The following JMJD4 variants were observed in gnomAD, a reference collection of about 807,000 sequenced individuals.
JMJD4 encodes 2-oxoglutarate and iron-dependent oxygenase JMJD4.
Under a neutral mutation model 36.3 loss-of-function variants are expected in JMJD4, and 34 were observed. That is an observed-to-expected ratio of 0.94 (90% CI 0.71 to 1.25). The LOEUF (loss-of-function observed/expected upper bound fraction) is 1.25. Ranked by LOEUF, JMJD4 falls within the 50% of genes most tolerant of loss-of-function variation. The pLI, the probability that JMJD4 is intolerant of heterozygous loss-of-function variation, is 0.00. For missense variants in JMJD4, 584 were observed against 559.1 expected, an observed-to-expected ratio of 1.04 and a Z score of -0.45; for synonymous variants, 269 against 235.3, an observed-to-expected ratio of 1.14 and a Z score of -1.31.
Position 227,735,108 on chromosome 1 carries a change from C to G in JMJD4, c.166G>C (p.Val56Leu), listed in dbSNP as rs992174394. The change falls in exon 1 of 6, where the codon GTG (valine) becomes CTG (leucine). Residue 56 changes from valine (V) to leucine (L), a missense_variant. Coordinates refer to ENST00000620518, the MANE Select transcript of JMJD4 (RefSeq NM_023007.3). Reference sequence around the variant, plus strand: ...CCCTGCGTGAAGGCGCTGGAAAACACGCAGGGCAGGTTGGGCAGCAAGAAG... The same window carrying G: ...CCCTGCGTGAAGGCGCTGGAAAACAGGCAGGGCAGGTTGGGCAGCAAGAAG... ...RGFLLPNLPC[V>L]FSSAFTQGWG... is the part of the protein sequence containing the mutation. 7.0e-6 allele frequency: 11 copies of G among 1,576,100 alleles called. No individual in the cohort carries two copies. Among genetic ancestry groups the G allele is most frequent in the Non-Finnish European group, 8.6e-6 (10 of 1,162,030 alleles).
intron 3 of JMJD4, 88 bp from the exon 4 acceptor site, chr1:227,733,769 G>C: frequency 6.3e-7 from 1 of 1,588,030 alleles, no homozygotes; most frequent in Non-Finnish European, 8.5e-7. Context: ...AACTGAAGGA[G>C]GGGTGGCCCC....
chr1:227,733,292 G>T, intron 4 of JMJD4, 122 bp downstream of exon 4: 1 of 1,077,300 alleles, frequency 9.3e-7, no homozygotes, highest in South Asian at 1.6e-5. Flanking sequence ...CTTGTGAAGG[G>T]GTCAGCCTCA....
At position 227,732,952 on chromosome 1, in the gene JMJD4, C is replaced by T. The variant is rs1322071954; in HGVS notation, c.898G>A (p.Glu300Lys). 5 of 1,613,288 alleles carry T rather than the reference C, an allele frequency of 3.1e-6. No individual in the cohort carries two copies. Among genetic ancestry groups the T allele is most frequent in the Non-Finnish European group, 4.2e-6 (5 of 1,180,034 alleles). Residue 300 changes from glutamate (E) to lysine (K), a missense_variant, in exon 5 of 6, where the codon GAG (glutamate) becomes AAG (lysine). Coordinates refer to ENST00000620518, the MANE Select transcript of JMJD4 (RefSeq NM_023007.3). ...ACCTCCTCCTGCACGGCGCATAGCT[C>T]CTGCTGCAAGAAGCGCCACATGTTG... ...LANMWRFLQQ[E>K]LCAVQEEVSE...
intron 2 of JMJD4, 167 bp from the exon 3 acceptor site, chr1:227,734,199 AG>A: frequency 1.4e-6 from 1 of 730,316 alleles, no homozygotes; most frequent in South Asian, 1.9e-5. Context: ...CTGGCGGGGG[AG>A]GGGGCGGGGC....
chr1:227,734,185 GC>G (rs1035488180), intron 2 of JMJD4, 153 bp from the exon 3 acceptor site: 1 of 836,622 alleles, frequency 1.2e-6, no homozygotes, highest in Admixed American at 2.9e-5. Context: ...TGAGCCAGAC[GC>G]TGCTGGCGGG....
In JMJD4 at chr1:227,733,459, C is replaced by G; in HGVS notation, c.777G>C (p.Glu259Asp). Residue 259 changes from glutamate to aspartate, a missense_variant, in exon 4 of 6, where the codon GAG becomes GAC. Transcript: ENST00000620518. ...PPLEITQEAG[E>D]MVFVPSGWHH... is the part of the protein sequence containing the mutation. ...GCCAGCCACTGGGCACAAACACCAT[C>G]TCGCCCGCTTCCTGCGTGATCTCCA... is the stretch of plus-strand genomic sequence containing the variant. 7 of 1,589,738 alleles carry G rather than the reference C, an allele frequency of 4.4e-6. No homozygotes were observed. Among genetic ancestry groups the G allele is most frequent in the Non-Finnish European group, 6.0e-6 (7 of 1,168,190 alleles).
chr1:227,732,180 C>T lies in JMJD4; in HGVS notation c.*212G>A. The T allele has an allele frequency of 3.3e-6, 2 of 610,248 alleles. No individual in the cohort carries two copies. Among genetic ancestry groups the T allele is most frequent in the South Asian group, 4.1e-5 (2 of 49,194 alleles). 37.8% of individuals were successfully genotyped at this position (610,248 alleles called of 1,614,324 possible). Reference sequence around the variant, plus strand: ...CTCCGAGCTCCCAGCAGGCCTGCTGCAGGTCAGAAGGGCCACATCCCATCT... The same window carrying T: ...CTCCGAGCTCCCAGCAGGCCTGCTGTAGGTCAGAAGGGCCACATCCCATCT... On this transcript the variant is annotated 3_prime_UTR_variant, in exon 6 of 6. Transcript: ENST00000620518.
intron 4 of JMJD4, 96 bp downstream of exon 4, chr1:227,733,318 A>T: frequency 7.4e-7 from 1 of 1,360,198 alleles, no homozygotes; most frequent in Non-Finnish European, 9.9e-7. Flanking sequence ...GAGCCACCCC[A>T]TTCCAGCCCA....
At chr1:227,734,352 TAAA>T (rs56684758) in intron 2 of JMJD4, 1,073 of 77,294 alleles carry the variant, frequency 0.014, no homozygotes, top group South Asian at 0.045. Context: ...CTAGTCTCTT[TAAA>T]AAAAAAAAAA....
In JMJD4 at chr1:227,733,434, G is replaced by A. The variant is rs769406665; in HGVS notation, c.802C>T (p.His268Tyr). Residue 268 changes from histidine (H) to tyrosine (Y), a missense_variant, in exon 4 of 6, where the codon CAC (histidine) becomes TAC (tyrosine). Coordinates refer to ENST00000620518, the MANE Select transcript of JMJD4 (RefSeq NM_023007.3). ...GEMVFVPSGW[H>Y]HQVHNLDDTI... ...ATTACCAGGTTGTGCACCTGGTGGT[G>A]CCAGCCACTGGGCACAAACACCATC... is the stretch of plus-strand genomic sequence containing the variant. The A allele has an allele frequency of 2.5e-6, 4 of 1,578,546 alleles. No homozygotes were observed. The highest frequency in any genetic ancestry group is 1.4e-5 in the African/African-American group (1 of 73,526).
rs538085389 is a variant in JMJD4 at position 227,732,258 on chromosome 1, C to G, written c.*134G>C. ...CTGAAAACAGGCACCCAGGCAGTGGCCATGAACAGCCAGGCCACAAGCCTC... is the reference window on the plus strand; with the variant it reads ...CTGAAAACAGGCACCCAGGCAGTGGGCATGAACAGCCAGGCCACAAGCCTC... On this transcript the variant is annotated 3_prime_UTR_variant, in exon 6 of 6. Transcript: ENST00000620518. 9.6e-7 allele frequency: 1 copy of G among 1,041,852 alleles called. No individual in the cohort carries two copies. Among genetic ancestry groups the G allele is most frequent in the Non-Finnish European group, 1.4e-6 (1 of 698,320 alleles). 64.5% of individuals were successfully genotyped at this position (1,041,852 alleles called of 1,614,324 possible). A position where few individuals can be genotyped will look rare whatever the true frequency, so the allele number is the denominator to read the frequency against.
At position 227,734,647 on chromosome 1, in the gene JMJD4, T is replaced by C. The variant is rs764480381; in HGVS notation, c.428+4A>G. The C allele has an allele frequency of 5.6e-6, 9 of 1,613,806 alleles. No individual in the cohort carries two copies. In the East Asian group the frequency reaches 6.7e-5, roughly 12 times the overall value. ...GCGCCTCGGTGCGTCCCAAGCCCCATTACCTGCACAAGTGCCAGTCTTTGA... is the reference window on the plus strand; with the variant it reads ...GCGCCTCGGTGCGTCCCAAGCCCCACTACCTGCACAAGTGCCAGTCTTTGA... On this transcript the variant is annotated splice_donor_region_variant and intron_variant, in intron 2 of 5. Transcript: ENST00000620518.
At chr1:227,734,590 G>C (rs1242958351) in intron 2 of JMJD4, 61 bp downstream of exon 2, 1 of 1,555,024 alleles carries the variant, frequency 6.4e-7, no homozygotes, top group Admixed American at 1.7e-5. Context: ...CATCAGAAAG[G>C]CCTCTGGGTT....
chr1:227,734,760 TG>T lies in JMJD4; in HGVS notation c.318del (p.Glu108SerfsTer3). 1 of 1,614,166 alleles carries T rather than the reference TG, an allele frequency of 6.2e-7. No homozygotes were observed. Among genetic ancestry groups the T allele is most frequent in the Non-Finnish European group, 8.5e-7 (1 of 1,180,018 alleles). The part of the protein sequence containing the change: ...NCGVQEYNSN[P>X]KEHMTLRDYI... ...TAGTCTCTGAGAGTCATGTGCTCTT[TG>T]GGGTTCGAGTTGTATTCCTGGACCC... On this transcript the variant is annotated frameshift_variant, in exon 2 of 6. Transcript: ENST00000620518. LOFTEE classifies it high-confidence loss of function.
In JMJD4 at chr1:227,735,286, G is replaced by T. The variant is rs772184965; in HGVS notation, c.-13C>A. 6.2e-7 allele frequency: 1 copy of T among 1,605,836 alleles called. No individual in the cohort carries two copies. The highest frequency in any genetic ancestry group is 8.5e-7 in the Non-Finnish European group (1 of 1,177,582). ...TCTCGCGGTCCATCCAGCTCAGCAC[G>T]GGTCGAAGGACCCTCCTCCTCACTT... On this transcript the variant is annotated 5_prime_UTR_variant, in exon 1 of 6. Transcript: ENST00000620518.
In JMJD4 at chr1:227,732,446, G is replaced by C. The variant is rs1476011041; in HGVS notation, c.1200C>G (p.Pro400=). ...CTCTCAGCTGCTGCAGCAGCTCTTTGGGCTGTGGTGAGAACGCGCTGGTGT... is the reference window on the plus strand; with the variant it reads ...CTCTCAGCTGCTGCAGCAGCTCTTTCGGCTGTGGTGAGAACGCGCTGGTGT... ...RVDTSAFSPQ[P]KELLQQLREA... The change falls in exon 6 of 6, where the codon CCC becomes CCG. Residue 400 remains proline, a synonymous_variant. Coordinates refer to ENST00000620518, the MANE Select transcript of JMJD4 (RefSeq NM_023007.3). 2 of 1,613,138 alleles carry C rather than the reference G, an allele frequency of 1.2e-6. No homozygotes were observed. The highest frequency in any genetic ancestry group is 1.7e-6 in the Non-Finnish European group (2 of 1,180,040).
Position 227,734,036 on chromosome 1 carries a change from TGA to T in JMJD4, c.429-6_429-5del. The T allele has an allele frequency of 6.2e-7, 1 of 1,611,928 alleles. No homozygotes were observed. Among genetic ancestry groups the T allele is most frequent in the Non-Finnish European group, 8.5e-7 (1 of 1,179,422 alleles). ...AACGTCCTCCACCGGAAAGTCCCTGTGAGGAGGGCGCAAGGGCACCACCGACA... is the reference window on the plus strand; with the variant it reads ...AACGTCCTCCACCGGAAAGTCCCTGTGGAGGGCGCAAGGGCACCACCGACA... On this transcript the variant is annotated splice_region_variant and splice_polypyrimidine_tract_variant and intron_variant, in intron 2 of 5. Coordinates refer to ENST00000620518, the MANE Select transcript of JMJD4 (RefSeq NM_023007.3).
intron 4 of JMJD4, 68 bp from the exon 5 acceptor site, chr1:227,733,095 T>C: frequency 6.4e-7 from 1 of 1,552,294 alleles, no homozygotes; most frequent in Non-Finnish European, 8.8e-7. Context: ...CCACATCTCC[T>C]GCGCCAGGAA....
At position 227,731,323 on chromosome 1, in the gene JMJD4, A is replaced by C. The variant is rs1451711342; in HGVS notation, c.*1069T>G. 1 of 152,346 alleles carries C rather than the reference A, an allele frequency of 6.6e-6. No individual in the cohort carries two copies. The highest frequency in any genetic ancestry group is 1.9e-4 in the East Asian group (1 of 5,188). 9.4% of individuals were successfully genotyped at this position (152,346 alleles called of 1,614,324 possible). ...TGCCCTTCTTGGGGGCTTCCATCCTAGACAAGTGCCAGCGGCCCCAGTTGA... is the reference window on the plus strand; with the variant it reads ...TGCCCTTCTTGGGGGCTTCCATCCTCGACAAGTGCCAGCGGCCCCAGTTGA... On this transcript the variant is annotated 3_prime_UTR_variant, in exon 6 of 6. Transcript: ENST00000620518.
Sources: allele counts gnomAD v4.1 joint callset, GRCh38; gene constraint gnomAD v4.1.1; transcripts MANE v1.5; gene names NCBI Gene and HGNC (gene_info 2026-07-23, HGNC 2026-07-21).